The following ASTN2 variants were observed in gnomAD, a reference collection of about 807,000 sequenced individuals.
The protein encoded by ASTN2 is astrotactin 2.
In ASTN2, 54 loss-of-function variants were observed where a neutral mutation model predicts 139.8. The observed-to-expected ratio is 0.39, with a 90% CI of 0.31 to 0.48. The LOEUF (loss-of-function observed/expected upper bound fraction) is 0.48. Among genes scored for constraint, ASTN2 ranks in the 20% least tolerant of loss-of-function variants. The pLI is 0.95. For synonymous variants in ASTN2, 756 were observed against 719.5 expected (o/e 1.05, Z -0.81); for missense variants, 1,565 against 1,725.1 (o/e 0.91, Z 1.64).
chr9:117,137,393 C>A (rs1829978069), intron 4 of ASTN2, among the ~76,000 whole-genome samples: 1 of 152,178 alleles, frequency 6.6e-6, no homozygotes, highest in Non-Finnish European at 1.5e-5. Flanking sequence ...CAATCTGGAC[C>A]AGGCAGCCCA....
chr9:116,857,793 G>A (rs770810152), intron 11 of ASTN2, among the ~76,000 whole-genome samples: 1 of 152,110 alleles, frequency 6.6e-6, no homozygotes, highest in Admixed American at 6.5e-5. Flanking sequence ...GCTACTCTTC[G>A]CATTGACAGG....
chr9:117,362,431 TAA>T (rs772922031), intron 1 of ASTN2, among the ~76,000 whole-genome samples: 1 of 152,116 alleles, frequency 6.6e-6, no homozygotes, highest in Non-Finnish European at 1.5e-5. Flanking sequence ...TGGGTTCTGC[TAA>T]AGAGAGGCCC....
chr9:116,637,823 C>T (rs1199043961), intron 17 of ASTN2, among the ~76,000 whole-genome samples: 4 of 152,092 alleles, frequency 2.6e-5, no homozygotes, highest in African/African-American at 9.7e-5. Context: ...GCCTATAGTC[C>T]CAGCTACTTG....
chr9:116,605,081 C>T (rs1353949527), intron 19 of ASTN2, among the ~76,000 whole-genome samples: 1 of 151,148 alleles, frequency 6.6e-6, no homozygotes, highest in African/African-American at 2.4e-5. Context: ...GGGAAGCCGA[C>T]ACACATAAAG....
rs191310025 is a variant in ASTN2 at position 116,617,387 on chromosome 9, T to C, written c.3355+937A>G. Among the ~76,000 whole-genome samples, 728 of 152,272 alleles carry C rather than the reference T, an allele frequency of 4.8e-3. 3 individuals are homozygous for C. The highest frequency in any genetic ancestry group is 0.017 in the African/African-American group (707 of 41,560). ...TTTGAATGCCAGACTTTGTGATAGG[T>C]GTTGGAAATTTAACTATGACTAACA... On this transcript the variant is annotated intron_variant, in intron 19 of 22. Transcript: ENST00000313400.
intron 16 of ASTN2, among the ~76,000 whole-genome samples, chr9:116,692,148 TAGGTAA>T (rs1226889925): frequency 1.3e-5 from 2 of 152,218 alleles, no homozygotes; most frequent in East Asian, 3.9e-4. Flanking sequence ...AAGGCTGATA[TAGGTAA>T]AGGAAATGGA....
chr9:116,442,712 T>G (rs1463328483), intron 20 of ASTN2, among the ~76,000 whole-genome samples, 159 bp from the exon 21 acceptor site: 1 of 152,214 alleles, frequency 6.6e-6, no homozygotes, highest in Non-Finnish European at 1.5e-5. Flanking sequence ...ACTAACTGCC[T>G]ACTCAGCACT....
At chr9:116,588,630 C>T (rs922346555) in intron 19 of ASTN2, among the ~76,000 whole-genome samples, 3 of 141,008 alleles carry the variant, frequency 2.1e-5, no homozygotes, top group African/African-American at 8.1e-5. Context: ...TGGGATGATA[C>T]ACTTCCTATT....
chr9:117,150,383 C>T (rs917487628), intron 3 of ASTN2, among the ~76,000 whole-genome samples: 3 of 152,194 alleles, frequency 2.0e-5, no homozygotes, highest in Non-Finnish European at 4.4e-5. Flanking sequence ...AGGTAATGGA[C>T]ATCCCAAAGG....
chr9:116,717,466 C>T (rs530619230), intron 16 of ASTN2, among the ~76,000 whole-genome samples: 4 of 152,238 alleles, frequency 2.6e-5, no homozygotes, highest in South Asian at 4.2e-4. Flanking sequence ...ATTTAACCTC[C>T]TCCAGTCTCT....
chr9:117,400,549 C>CT (rs1830800593), intron 1 of ASTN2, among the ~76,000 whole-genome samples: 1 of 152,184 alleles, frequency 6.6e-6, no homozygotes, highest in Admixed American at 6.5e-5. Context: ...GGCAGTCCCC[C>CT]TCCCTGGGGA....
intron 1 of ASTN2, among the ~76,000 whole-genome samples, chr9:117,371,030 C>T (rs1229391451): frequency 6.6e-6 from 1 of 151,974 alleles, no homozygotes; most frequent in African/African-American, 2.4e-5. Context: ...TTATCAAATA[C>T]CCCCAACAGT....
At chr9:116,924,404 T>A (rs893520038) in intron 10 of ASTN2, among the ~76,000 whole-genome samples, 5 of 125,832 alleles carry the variant, frequency 4.0e-5, no homozygotes, top group African/African-American at 1.6e-4. Context: ...AACTCCAGCC[T>A]GGGTGACAGA....
At chr9:116,851,402 C>T (rs148004340) in intron 11 of ASTN2, among the ~76,000 whole-genome samples, 2,195 of 151,996 alleles carry the variant, frequency 0.014, 80 homozygotes, top group Admixed American at 0.083. Flanking sequence ...TTGCTTAATT[C>T]GTATCAAAAC....
rs1564385912 is a variant in ASTN2 at position 117,016,632 on chromosome 9, A to AGGT, written c.1424-8374_1424-8373insACC. Reference sequence around the variant, plus strand: ...TATCTATATCTATCTATCTATATATATATATATATATATATATATATATAA... The same window carrying AGGT: ...TATCTATATCTATCTATCTATATATAGGTTATATATATATATATATATATATAA... On this transcript the variant is annotated intron_variant, in intron 6 of 22. Transcript: ENST00000313400. 2.3e-3 allele frequency among the ~76,000 whole-genome samples: 40 copies of AGGT among 17,484 alleles called. 1 individual carries two copies. The highest frequency in any genetic ancestry group is 8.0e-3 in the African/African-American group (39 of 4,900). The allele number at this position is 17,484 out of a possible 152,430, so 11.5% of individuals were successfully genotyped here.
chr9:116,642,155 A>AC (rs1554724610), intron 17 of ASTN2, among the ~76,000 whole-genome samples: 1 of 149,796 alleles, frequency 6.7e-6, no homozygotes, highest in Non-Finnish European at 1.5e-5. Context: ...ACAAAAAAAA[A>AC]CAGAATCAGT....
intron 2 of ASTN2, among the ~76,000 whole-genome samples, chr9:117,256,012 T>A (rs16934434): frequency 6.6e-6 from 1 of 152,142 alleles, no homozygotes; most frequent in Non-Finnish European, 1.5e-5. Context: ...GAAAATGATG[T>A]CCACAAGAAT....
intron 13 of ASTN2, among the ~76,000 whole-genome samples, chr9:116,786,920 A>G (rs1414988978): frequency 6.6e-6 from 1 of 152,138 alleles, no homozygotes; most frequent in African/African-American, 2.4e-5. Flanking sequence ...ATAGTCAGTC[A>G]GTTCTAAAGA....
intron 7 of ASTN2, among the ~76,000 whole-genome samples, chr9:116,979,181 T>C (rs537488481): frequency 2.6e-5 from 4 of 152,154 alleles, no homozygotes; most frequent in Non-Finnish European, 5.9e-5. Flanking sequence ...TCATGAACGC[T>C]GCCTGAACAA....
Sources: gnomAD v4.1 joint callset for allele counts (sites outside exome capture counted in the v4.1 genomes callset) on GRCh38, gnomAD v4.1.1 for gene constraint, MANE v1.5 for transcripts, NCBI Gene and HGNC (gene_info 2026-07-23, HGNC 2026-07-21) for gene names.